ASPM: variants seen among roughly 807,000 people sequenced by gnomAD.
ASPM encodes assembly factor for spindle microtubules, also known as abnormal spindle-like microcephaly-associated protein.
In ASPM, 256 loss-of-function variants were observed where a neutral mutation model predicts 366.4. The ratio of observed to expected loss-of-function variants is 0.70; its 90% CI spans 0.63 to 0.77. The LOEUF (loss-of-function observed/expected upper bound fraction) is 0.77. ASPM is among the 30% of genes least tolerant of loss of function. The pLI, the probability that ASPM is intolerant of heterozygous loss-of-function variation, is 0.00. For synonymous variants in ASPM, 1,414 were observed against 1,342.9 expected (o/e 1.05, Z -1.16); for missense variants, 4,146 against 4,090.4 (o/e 1.01, Z -0.37).
At position 197,096,141 on chromosome 1, in the gene ASPM, G is replaced by C. The variant is rs1191497731; in HGVS notation, c.8844C>G (p.Ala2948=). The change falls in exon 19 of 28, where the codon GCC becomes GCG. Residue 2948 remains alanine (A), a synonymous_variant. Coordinates refer to ENST00000367409, the MANE Select transcript of ASPM (RefSeq NM_018136.5). The stretch of plus-strand genomic sequence containing the variant: ...CTTTCACTTTACATAAATATTTCTT[G>C]GCTCTATATCTCCTCCACATAGCCT... ...KIQAMWRRYR[A]KKYLCKVKAA... The C allele has an allele frequency of 6.2e-7, 1 of 1,607,302 alleles. No homozygotes were observed. Among genetic ancestry groups the C allele is most frequent in the Non-Finnish European group, 8.5e-7 (1 of 1,175,446 alleles).
intron 1 of ASPM, among the ~76,000 whole-genome samples, chr1:197,145,042 G>A: frequency 6.6e-6 from 1 of 152,076 alleles, no homozygotes; most frequent in Non-Finnish European, 1.5e-5. Context: ...AGGAAAGCAG[G>A]CAGTGATTCA....
chr1:197,129,084 T>G, intron 9 of ASPM, 103 bp downstream of exon 9: 1 of 1,372,756 alleles, frequency 7.3e-7, no homozygotes, highest in Non-Finnish European at 1.0e-6. Flanking sequence ...AGTATTATTC[T>G]TTGGAAAACT....
At position 197,135,155 on chromosome 1, in the gene ASPM, C is replaced by A. The variant is rs1372894483; in HGVS notation, c.2114G>T (p.Trp705Leu). 5 of 1,612,494 alleles carry A rather than the reference C, an allele frequency of 3.1e-6. No homozygotes were observed. In the African/African-American group the frequency reaches 6.7e-5, roughly 22 times the overall value. ...AGGGGTTAATATAAAATTTAACCACCAAGTGAAGCCCTGTTCCTGCTTTTC... is the reference window on the plus strand; with the variant it reads ...AGGGGTTAATATAAAATTTAACCACAAAGTGAAGCCCTGTTCCTGCTTTTC... ...WKEKQEQGFT[W>L]WLNFILTPDD... The change falls in exon 5 of 28, where the codon TGG (tryptophan) becomes TTG (leucine). Residue 705 changes from tryptophan to leucine, a missense_variant. This residue lies in a region of ASPM where 3,624 missense variants were observed against 3,591.7 expected (regional missense o/e 1.01). Transcript: ENST00000367409.
At chr1:197,139,272 T>A in intron 4 of ASPM, 1 of 926,104 alleles carries the variant, frequency 1.1e-6, no homozygotes, top group South Asian at 1.3e-5. Context: ...TTTCACTTCA[T>A]CCATACTCCC....
In ASPM at chr1:197,103,492, A is replaced by G; in HGVS notation, c.5759T>C (p.Phe1920Ser). 1.9e-6 allele frequency: 3 copies of G among 1,613,234 alleles called. No homozygotes were observed. In the South Asian group the frequency reaches 3.3e-5, roughly 18 times the overall value. ...CTGGATGACTAATGCTGCTGTTTTA[A>G]ACAATCTAAACTGTTTCTGGGCCTT... Reference protein sequence around the residue: ...MAKAQKQFRLFKTAALVIQQN... With the variant: ...MAKAQKQFRLSKTAALVIQQN... The change falls in exon 18 of 28, where the codon TTT becomes TCT. Residue 1920 changes from phenylalanine to serine, a missense_variant. Around this residue, in one of 3 missense-constraint regions of ASPM, gnomAD observed 3,624 missense variants for 3,591.7 expected, o/e 1.01. Transcript: ENST00000367409.
At chr1:197,095,442 A>AT in intron 19 of ASPM, among the ~76,000 whole-genome samples, 1 of 126,012 alleles carries the variant, frequency 7.9e-6, no homozygotes, top group Admixed American at 9.4e-5. Context: ...AAAAATTCTT[A>AT]TACTATGAAC....
intron 10 of ASPM, among the ~76,000 whole-genome samples, chr1:197,126,886 A>G (rs931509089): frequency 6.6e-6 from 1 of 152,104 alleles, no homozygotes; most frequent in Non-Finnish European, 1.5e-5. Context: ...CTCTGCTTGA[A>G]CCTTCCAACA....
Position 197,103,826 on chromosome 1 carries a change from G to T in ASPM, c.5425C>A (p.Gln1809Lys), listed in dbSNP as rs532169403. Residue 1809 changes from glutamine (Q) to lysine (K), a missense_variant, in exon 18 of 28, where the codon CAA (glutamine) becomes AAA (lysine). By Grantham distance (53) the Gln-to-Lys change is moderately conservative. Coordinates refer to ENST00000367409, the MANE Select transcript of ASPM (RefSeq NM_018136.5). ...LQVKKAATCL[Q>K]AAYRGYKVRQ... ...ACTTTATAACCTCTGTAAGCTGCTTGCAAGCAAGTAGCTGCTTTTTTGACT... is the reference window on the plus strand; with the variant it reads ...ACTTTATAACCTCTGTAAGCTGCTTTCAAGCAAGTAGCTGCTTTTTTGACT... 1 of 1,612,962 alleles carries T rather than the reference G, an allele frequency of 6.2e-7. No individual in the cohort carries two copies. Among genetic ancestry groups the T allele is most frequent in the South Asian group, 1.1e-5 (1 of 91,070 alleles).
intron 17 of ASPM, among the ~76,000 whole-genome samples, chr1:197,114,818 G>A (rs953360386): frequency 1.3e-5 from 2 of 152,088 alleles, no homozygotes; most frequent in African/African-American, 2.4e-5. Context: ...ACGTGATCTC[G>A]GCTCACTGCA....
At chr1:197,110,906 G>T (rs10922166) in intron 17 of ASPM, among the ~76,000 whole-genome samples, 1 of 152,078 alleles carries the variant, frequency 6.6e-6, no homozygotes, top group African/African-American at 2.4e-5. Context: ...AAAATTGGAC[G>T]CTTTCCTTTC....
intron 7 of ASPM, among the ~76,000 whole-genome samples, chr1:197,131,351 G>A (rs1424092800): frequency 6.6e-6 from 1 of 151,978 alleles, no homozygotes. Context: ...GAATACAGAC[G>A]CACAAAAGAT....
At chr1:197,085,992 C>A (rs950186036) in intron 27 of ASPM, among the ~76,000 whole-genome samples, 1 of 152,050 alleles carries the variant, frequency 6.6e-6, no homozygotes, top group South Asian at 2.1e-4. Context: ...ATATTAAATT[C>A]TACCAAGTCC....
rs753834852 is a variant in ASPM at position 197,103,782 on chromosome 1, T to C, written c.5469A>G (p.Gln1823=). Reference sequence around the variant, plus strand: ...GAATTTTAAGAGCAGCTATAGATTGTTGTTTGATTAGCTGGCGTACTTTAT... The same window carrying C: ...GAATTTTAAGAGCAGCTATAGATTGCTGTTTGATTAGCTGGCGTACTTTAT... ...RGYKVRQLIK[Q]QSIAALKIQS... is the part of the protein sequence containing the mutation. The change falls in exon 18 of 28, where the codon CAA becomes CAG. Residue 1823 remains glutamine (Q), a synonymous_variant. Coordinates refer to ENST00000367409, the MANE Select transcript of ASPM (RefSeq NM_018136.5). 29 of 1,612,872 alleles carry C rather than the reference T, an allele frequency of 1.8e-5. No individual in the cohort carries two copies. The highest frequency in any genetic ancestry group is 2.4e-5 in the Non-Finnish European group (28 of 1,179,414).
intron 19 of ASPM, 103 bp downstream of exon 19, chr1:197,095,895 C>T (rs542086262): frequency 2.8e-6 from 3 of 1,080,880 alleles, no homozygotes; most frequent in Non-Finnish European, 3.9e-6. Flanking sequence ...TTAAGCATAA[C>T]AAATATTTAA....
rs1014573750 is a variant in ASPM, at chr1:197,103,891, G to T, written c.5360C>A (p.Ala1787Glu). ...AIIVIQNYYH[A>E]YKAQVNQRKN... is the part of the protein sequence containing the mutation. The stretch of plus-strand genomic sequence containing the variant: ...CCTCTGATTGACCTGTGCTTTGTAT[G>T]CATGATAGTAATTCTGAATGACAAT... Residue 1787 changes from alanine (A) to glutamate (E), a missense_variant, in exon 18 of 28, where the codon GCA (alanine) becomes GAA (glutamate). Ala to Glu is a moderately radical substitution (Grantham distance 107, BLOSUM62 -1). Transcript: ENST00000367409. The T allele has an allele frequency of 1.3e-5, 21 of 1,612,660 alleles. No individual in the cohort carries two copies. Among genetic ancestry groups the T allele is most frequent in the Non-Finnish European group, 1.8e-5 (21 of 1,179,310 alleles).
intron 18 of ASPM, among the ~76,000 whole-genome samples, chr1:197,097,903 A>T (rs949590254): frequency 1.3e-5 from 2 of 151,464 alleles, no homozygotes; most frequent in Non-Finnish European, 3.0e-5. Context: ...AAATTGACCG[A>T]AAATCTGTCA....
At chr1:197,088,119 T>TA (rs1441930373) in intron 26 of ASPM, 137 bp downstream of exon 26, 18 of 835,446 alleles carry the variant, frequency 2.2e-5, no homozygotes, top group African/African-American at 1.2e-4. Flanking sequence ...GAATTCATTT[T>TA]ATCCGTGCAA....
chr1:197,141,397 C>G (rs911248075), intron 3 of ASPM, among the ~76,000 whole-genome samples: 1 of 152,104 alleles, frequency 6.6e-6, no homozygotes, highest in African/African-American at 2.4e-5. Flanking sequence ...CTATCTGGAC[C>G]AGTAGAGGAA....
rs1658666651 is a variant in ASPM, at chr1:197,143,451, T to C, written c.801A>G (p.Ser267=). 1 of 1,614,062 alleles carries C rather than the reference T, an allele frequency of 6.2e-7. No homozygotes were observed. The highest frequency in any genetic ancestry group is 8.5e-7 in the Non-Finnish European group (1 of 1,179,914). ...CAGCTTTCTCATTAAAAGAAACTTT[T>C]GAAACGTTGGCACTGTGTACATTTA... ...ELLNVHSANV[S]KVSFNEKAVT... is the part of the protein sequence containing the mutation. Residue 267 remains serine (S), a synonymous_variant, in exon 3 of 28, where the codon TCA becomes TCG. Coordinates refer to ENST00000367409, the MANE Select transcript of ASPM (RefSeq NM_018136.5).
Sources: allele counts gnomAD v4.1 joint callset (sites outside exome capture counted in the v4.1 genomes callset), GRCh38; gene constraint gnomAD v4.1.1; regional missense constraint gnomAD v4.1.1; transcripts MANE v1.5; gene names NCBI Gene and HGNC (gene_info 2026-07-23, HGNC 2026-07-21).